NELL1: variants seen among roughly 807,000 people sequenced by gnomAD.
The protein encoded by NELL1 is protein kinase C-binding protein NELL1.
A neutral mutation model predicts 107.4 loss-of-function variants in NELL1; 76 were observed. The observed-to-expected ratio is 0.71, with a 90% CI of 0.59 to 0.86. The LOEUF (loss-of-function observed/expected upper bound fraction) is 0.86, where lower values mean the gene tolerates loss of function less well. Among genes scored for constraint, NELL1 ranks in the 40% least tolerant of loss-of-function variants. The pLI, the probability that NELL1 is intolerant of heterozygous loss-of-function variation, is 0.00. For missense variants in NELL1, 1,024 were observed against 1,005.5 expected (o/e 1.02, Z -0.25); for synonymous variants, 353 against 341.2 (o/e 1.03, Z -0.38).
At chr11:20,830,133 A>G (rs1194752474) in intron 3 of NELL1, among the ~76,000 whole-genome samples, 2 of 151,536 alleles carry the variant, frequency 1.3e-5, no homozygotes, top group Admixed American at 1.3e-4. Context: ...TTAGCTGGGT[A>G]TGGTGGTGCG....
intron 2 of NELL1, among the ~76,000 whole-genome samples, chr11:20,775,124 A>G (rs530797948): frequency 1.8e-3 from 273 of 152,304 alleles, no homozygotes; most frequent in African/African-American, 6.1e-3. Context: ...TTTTCTTACA[A>G]TAACTCTCAG....
At chr11:21,212,080 C>A (rs548153134) in intron 13 of NELL1, among the ~76,000 whole-genome samples, 1 of 152,150 alleles carries the variant, frequency 6.6e-6, no homozygotes, top group Non-Finnish European at 1.5e-5. Flanking sequence ...CCCACCTTGG[C>A]CTCCCAAAGT....
chr11:21,269,008 G>GA (rs1176814065), intron 14 of NELL1, among the ~76,000 whole-genome samples: 7 of 151,996 alleles, frequency 4.6e-5, no homozygotes, highest in African/African-American at 1.7e-4. Flanking sequence ...TAGCAGACAT[G>GA]AAAAATGCCT....
intron 16 of NELL1, among the ~76,000 whole-genome samples, chr11:21,542,750 T>C (rs1164248795): frequency 1.3e-5 from 2 of 152,074 alleles, no homozygotes; most frequent in Non-Finnish European, 2.9e-5. Context: ...ATTTTTTAAA[T>C]GTACTTATTT....
intron 15 of NELL1, among the ~76,000 whole-genome samples, chr11:21,376,209 G>A (rs2133761251): frequency 6.6e-6 from 1 of 152,094 alleles, no homozygotes; most frequent in East Asian, 1.9e-4. Flanking sequence ...AATCCATCTT[G>A]AGTTAATTTT....
At chr11:21,394,999 T>C (rs1851950784) in intron 15 of NELL1, among the ~76,000 whole-genome samples, 1 of 151,506 alleles carries the variant, frequency 6.6e-6, no homozygotes, top group South Asian at 2.1e-4. Context: ...GATGAGGATA[T>C]CTTGGAGAGG....
intron 14 of NELL1, among the ~76,000 whole-genome samples, chr11:21,353,894 C>A (rs1850871469): frequency 6.6e-6 from 1 of 152,136 alleles, no homozygotes; most frequent in Non-Finnish European, 1.5e-5. Context: ...ATTAGGGTTT[C>A]ATTTGCCTTA....
At chr11:21,210,933 C>A (rs1221531580) in intron 13 of NELL1, among the ~76,000 whole-genome samples, 1 of 152,116 alleles carries the variant, frequency 6.6e-6, no homozygotes, top group Non-Finnish European at 1.5e-5. Flanking sequence ...CTCTGTCCTA[C>A]CTTCTTTTCT....
chr11:20,976,862 T>C (rs1172687693), intron 12 of NELL1, among the ~76,000 whole-genome samples: 1 of 152,182 alleles, frequency 6.6e-6, no homozygotes, highest in Non-Finnish European at 1.5e-5. Flanking sequence ...TTATGGTAAC[T>C]GTAGTGAGTT....
At chr11:20,714,488 G>A (rs1440668885) in intron 2 of NELL1, among the ~76,000 whole-genome samples, 5 of 151,226 alleles carry the variant, frequency 3.3e-5, no homozygotes, top group African/African-American at 9.7e-5. Flanking sequence ...GATTACAGGC[G>A]TGAACCATCA....
At chr11:21,462,863 C>G (rs1028807890) in intron 15 of NELL1, among the ~76,000 whole-genome samples, 1 of 151,936 alleles carries the variant, frequency 6.6e-6, no homozygotes, top group African/African-American at 2.4e-5. Context: ...CTTCTCCTAT[C>G]TCCATAGAAA....
At chr11:21,248,662 G>A (rs551234600) in intron 14 of NELL1, among the ~76,000 whole-genome samples, 33 of 152,112 alleles carry the variant, frequency 2.2e-4, no homozygotes, top group Non-Finnish European at 3.2e-4. Flanking sequence ...TTGCCACCCA[G>A]CGTTCTTTTA....
intron 2 of NELL1, among the ~76,000 whole-genome samples, chr11:20,763,158 G>A (rs550320626): frequency 9.9e-5 from 15 of 152,038 alleles, no homozygotes; most frequent in Admixed American, 9.8e-4. Context: ...CTGGGGATTC[G>A]GCGTGAGGTA....
At position 20,733,984 on chromosome 11, in the gene NELL1, A is replaced by G. The variant is rs1231484342; in HGVS notation, c.185-49696A>G. 3.3e-5 allele frequency among the ~76,000 whole-genome samples: 5 copies of G among 152,258 alleles called. No individual in the cohort carries two copies. In the East Asian group the frequency reaches 9.6e-4, roughly 29 times the overall value. On this transcript the variant is annotated intron_variant, in intron 2 of 19. Coordinates refer to ENST00000357134, the MANE Select transcript of NELL1 (RefSeq NM_006157.5). ...GTAAAATAAAGGAAAGCAACAGAGT[A>G]CAGGTGATAGGGATGTTTTTAGATG...
chr11:21,165,974 T>A (rs571726662), intron 13 of NELL1, among the ~76,000 whole-genome samples: 1 of 151,508 alleles, frequency 6.6e-6, no homozygotes, highest in East Asian at 1.9e-4. Flanking sequence ...AGGCTAGTGT[T>A]GAATTCCTGA....
At chr11:20,926,793 T>TA (rs1850506113) in intron 7 of NELL1, among the ~76,000 whole-genome samples, 2 of 152,188 alleles carry the variant, frequency 1.3e-5, no homozygotes, top group Non-Finnish European at 2.9e-5. Flanking sequence ...GGGATCCGCT[T>TA]ACGACTTTTC....
At chr11:21,336,545 T>C (rs1850400075) in intron 14 of NELL1, among the ~76,000 whole-genome samples, 1 of 151,848 alleles carries the variant, frequency 6.6e-6, no homozygotes, top group African/African-American at 2.4e-5. Context: ...GTGGATTTGC[T>C]CAAGATCATA....
At chr11:20,953,305 T>A (rs2134205500) in intron 11 of NELL1, among the ~76,000 whole-genome samples, 1 of 152,312 alleles carries the variant, frequency 6.6e-6, no homozygotes, top group East Asian at 1.9e-4. Context: ...GGGTATACTT[T>A]AGGGGCAGGA....
intron 2 of NELL1, among the ~76,000 whole-genome samples, chr11:20,721,227 ATTT>A (rs1855379290): frequency 2.2e-5 from 1 of 46,194 alleles, no homozygotes; most frequent in East Asian, 1.3e-3. Flanking sequence ...TTATATATAT[ATTT>A]TGTTTATATA....
Sources: allele counts gnomAD v4.1 joint callset (sites outside exome capture counted in the v4.1 genomes callset), GRCh38; gene constraint gnomAD v4.1.1; transcripts MANE v1.5; gene names NCBI Gene and HGNC (gene_info 2026-07-23, HGNC 2026-07-21).